The following CDH12 variants were observed in gnomAD, a reference collection of about 807,000 sequenced individuals.
CDH12 encodes the protein cadherin 12, also known as cadherin-12.
CDH12 carries 41 observed loss-of-function variants against 74.1 expected under a neutral mutation model. The observed-to-expected ratio is 0.55, with a 90% CI of 0.43 to 0.72. CDH12 has a LOEUF of 0.72. Among genes scored for constraint, CDH12 ranks in the 30% least tolerant of loss-of-function variants. CDH12 has a pLI of 0.00. For synonymous variants in CDH12, 399 were observed against 355.0 expected (o/e 1.12, Z -1.39); for missense variants, 945 against 977.2 (o/e 0.97, Z 0.44).
chr5:22,665,338 C>T (rs183110583), intron 1 of CDH12, among the ~76,000 whole-genome samples: 144 of 151,934 alleles, frequency 9.5e-4, no homozygotes, highest in Middle Eastern at 6.8e-3. Context: ...ATTTTTTTTC[C>T]CAAAATCTAT....
At chr5:22,679,527 C>A (rs1245990038) in intron 1 of CDH12, among the ~76,000 whole-genome samples, 1 of 152,068 alleles carries the variant, frequency 6.6e-6, no homozygotes, top group Non-Finnish European at 1.5e-5. Context: ...ATTTACCACA[C>A]TGAATTTCTA....
chr5:21,834,328 A>T (rs528960787), intron 8 of CDH12, among the ~76,000 whole-genome samples: 1 of 152,002 alleles, frequency 6.6e-6, no homozygotes, highest in South Asian at 2.1e-4. Flanking sequence ...TGTCTTACTC[A>T]TATCTTTGGG....
intron 1 of CDH12, among the ~76,000 whole-genome samples, chr5:22,737,672 C>T (rs1044299976): frequency 2.0e-5 from 3 of 152,016 alleles, no homozygotes; most frequent in Non-Finnish European, 4.4e-5. Flanking sequence ...AAACTTATGA[C>T]ATTTTAAGCC....
intron 2 of CDH12, among the ~76,000 whole-genome samples, chr5:22,504,021 C>G (rs1416594535): frequency 6.6e-6 from 1 of 151,596 alleles, no homozygotes; most frequent in South Asian, 2.1e-4. Flanking sequence ...GGACTGAAAC[C>G]CCAAACCAAA....
intron 1 of CDH12, among the ~76,000 whole-genome samples, chr5:22,710,477 T>C (rs1743231359): frequency 1.3e-5 from 2 of 152,150 alleles, no homozygotes; most frequent in Non-Finnish European, 1.5e-5. Context: ...CAATAATTTT[T>C]AGAATGAAGT....
At chr5:22,799,451 AT>A (rs1459996208) in intron 1 of CDH12, among the ~76,000 whole-genome samples, 1 of 152,176 alleles carries the variant, frequency 6.6e-6, no homozygotes, top group Non-Finnish European at 1.5e-5. Context: ...CCTTTTCAGT[AT>A]TTTATTAAAA....
chr5:22,391,934 A>G (rs985005871), intron 3 of CDH12, among the ~76,000 whole-genome samples: 2 of 152,226 alleles, frequency 1.3e-5, no homozygotes, highest in African/African-American at 4.8e-5. Context: ...TAAAGAAGTT[A>G]AATCAGAGAA....
intron 5 of CDH12, among the ~76,000 whole-genome samples, chr5:22,048,734 T>C (rs111914274): frequency 0.023 from 3,468 of 152,190 alleles, 65 homozygotes; most frequent in Middle Eastern, 0.034. Flanking sequence ...GCAAAGAACA[T>C]GGCAAACAGC....
At chr5:22,222,447 C>T (rs4458548) in intron 3 of CDH12, among the ~76,000 whole-genome samples, 57,671 of 151,616 alleles carry the variant, frequency 0.38, 11,367 homozygotes, top group East Asian at 0.49. Flanking sequence ...TTTTATGTTG[C>T]CATATTTTAT....
chr5:22,537,735 C>A (rs973741954), intron 1 of CDH12, among the ~76,000 whole-genome samples: 1 of 152,140 alleles, frequency 6.6e-6, no homozygotes, highest in African/African-American at 2.4e-5. Context: ...TCTTAGAGAG[C>A]GCTCCTGACC....
At chr5:21,826,888 A>G (rs573212669) in intron 8 of CDH12, among the ~76,000 whole-genome samples, 1 of 152,246 alleles carries the variant, frequency 6.6e-6, no homozygotes, top group South Asian at 2.1e-4. Context: ...ATATCCTGGT[A>G]AATATTTTAG....
chr5:22,530,232 T>C (rs1737526265), intron 1 of CDH12, among the ~76,000 whole-genome samples: 1 of 152,138 alleles, frequency 6.6e-6, no homozygotes, highest in Non-Finnish European at 1.5e-5. Context: ...TAAGAAGAGG[T>C]AACATTAGAA....
chr5:21,829,354 C>A (rs1748876981), intron 8 of CDH12, among the ~76,000 whole-genome samples: 1 of 152,162 alleles, frequency 6.6e-6, no homozygotes, highest in African/African-American at 2.4e-5. Flanking sequence ...CCTATTTTTA[C>A]ACTAGCTTTT....
intron 8 of CDH12, among the ~76,000 whole-genome samples, chr5:21,833,365 T>G (rs1234464485): frequency 1.1e-5 from 1 of 92,186 alleles, no homozygotes; most frequent in Middle Eastern, 9.1e-3. Flanking sequence ...TATTATATAT[T>G]ATATAGTATA....
At chr5:22,219,849 G>A (rs1751951290) in intron 3 of CDH12, among the ~76,000 whole-genome samples, 2 of 151,696 alleles carry the variant, frequency 1.3e-5, no homozygotes, top group Admixed American at 1.3e-4. Flanking sequence ...TGCAGATGGA[G>A]TAGTAAGATT....
chr5:22,708,146 T>G (rs1743112027), intron 1 of CDH12, among the ~76,000 whole-genome samples: 1 of 152,184 alleles, frequency 6.6e-6, no homozygotes, highest in African/African-American at 2.4e-5. Flanking sequence ...TCAAGACTCT[T>G]TCCTTCGCTT....
chr5:21,902,770 T>G (rs542491798), intron 6 of CDH12, among the ~76,000 whole-genome samples: 1 of 152,252 alleles, frequency 6.6e-6, no homozygotes, highest in East Asian at 1.9e-4. Flanking sequence ...TTAAAATTTA[T>G]TTTTAATTAG....
chr5:22,147,818 C>T (rs1470844261), intron 4 of CDH12, among the ~76,000 whole-genome samples: 1 of 152,110 alleles, frequency 6.6e-6, no homozygotes, highest in Non-Finnish European at 1.5e-5. Flanking sequence ...TTATCTCCCA[C>T]CAGTTCCCTC....
At position 21,889,768 on chromosome 5, in the gene CDH12, T is replaced by C. The variant is rs143956497; in HGVS notation, c.527-34978A>G. Reference sequence around the variant, plus strand: ...CTTTCTTTCTTTCTGCTGTAGGAAGTAACCATGTCCATAAAAGCAATACTA... The same window carrying C: ...CTTTCTTTCTTTCTGCTGTAGGAAGCAACCATGTCCATAAAAGCAATACTA... On this transcript the variant is annotated intron_variant, in intron 6 of 14. Coordinates refer to ENST00000382254, the MANE Select transcript of CDH12 (RefSeq NM_004061.5). 2.3e-5 allele frequency: 23 copies of C among 984,642 alleles called. No individual in the cohort carries two copies. The East Asian group carries it at 2.6e-3, about 112-fold the overall frequency. 61.0% of individuals were successfully genotyped at this position (984,642 alleles called of 1,614,324 possible). A position where few individuals can be genotyped will look rare whatever the true frequency, so the allele number is the denominator to read the frequency against.
Sources: allele counts gnomAD v4.1 joint callset (sites outside exome capture counted in the v4.1 genomes callset), GRCh38; gene constraint gnomAD v4.1.1; transcripts MANE v1.5; gene names NCBI Gene and HGNC (gene_info 2026-07-23, HGNC 2026-07-21).